Variants in SSBP2 observed in about 807,000 individuals in gnomAD.
SSBP2 encodes single stranded DNA binding protein 2, also known as single-stranded DNA-binding protein 2.
In SSBP2, 17 loss-of-function variants were observed where a neutral mutation model predicts 61.8. That is an observed-to-expected ratio of 0.28 (90% confidence interval 0.19 to 0.41). The LOEUF is 0.41. Among genes scored for constraint, SSBP2 ranks in the 10% least tolerant of loss-of-function variants. SSBP2 has a pLI of 1.00. For synonymous variants in SSBP2, 139 were observed against 141.3 expected (o/e 0.98, Z 0.12); for missense variants, 310 against 458.7 (o/e 0.68, Z 2.96).
At chr5:81,469,717 T>G (rs932262275) in intron 8 of SSBP2, among the ~76,000 whole-genome samples, 11 of 152,018 alleles carry the variant, frequency 7.2e-5, no homozygotes, top group Admixed American at 6.6e-4. Flanking sequence ...ATAAGAAATT[T>G]TTCAATATAT....
intron 1 of SSBP2, among the ~76,000 whole-genome samples, chr5:81,737,657 G>A (rs1408806200): frequency 2.6e-5 from 4 of 151,586 alleles, no homozygotes; most frequent in Non-Finnish European, 5.9e-5. Flanking sequence ...GTGTGGTGGC[G>A]GGCGCCTGTA....
Position 81,617,954 on chromosome 5 carries a change from G to A in SSBP2, c.198-2397C>T, listed in dbSNP as rs1429372080. 7.3e-5 allele frequency among the ~76,000 whole-genome samples: 10 copies of A among 136,302 alleles called. 1 individual carries two copies. The highest frequency in any genetic ancestry group is 4.7e-4 in the South Asian group (2 of 4,242). The allele number at this position is 136,302 out of a possible 152,430, so 89.4% of individuals were successfully genotyped here. A position where few individuals can be genotyped will look rare whatever the true frequency, so the allele number is the denominator to read the frequency against. On this transcript the variant is annotated intron_variant, in intron 3 of 16. Transcript: ENST00000320672. ...CCCTAAAAGAGCTCCTGAAGCAAGC[G>A]CTAAACATGGAAAGGAACAACCGGT...
intron 1 of SSBP2, among the ~76,000 whole-genome samples, chr5:81,670,243 T>C (rs1290443018): frequency 6.6e-6 from 1 of 152,188 alleles, no homozygotes; most frequent in Admixed American, 6.5e-5. Flanking sequence ...TTGATAAACG[T>C]GGAGGTAACA....
At chr5:81,673,147 T>C (rs1435956377) in intron 1 of SSBP2, among the ~76,000 whole-genome samples, 1 of 152,162 alleles carries the variant, frequency 6.6e-6, no homozygotes, top group Non-Finnish European at 1.5e-5. Flanking sequence ...GGTCCAGATA[T>C]TTACTTTCTA....
rs1561371562 is a variant in SSBP2 at position 81,419,075 on chromosome 5, T to C, written c.*1429A>G. On this transcript the variant is annotated 3_prime_UTR_variant, in exon 17 of 17. Transcript: ENST00000320672. ...CTTTCTATTGTGATTTTGGTGTATGTATGTATAATTAAGCACAAAATCCCA... is the reference window on the plus strand; with the variant it reads ...CTTTCTATTGTGATTTTGGTGTATGCATGTATAATTAAGCACAAAATCCCA... The C allele has an allele frequency of 6.6e-6, 1 of 152,218 alleles. No individual in the cohort carries two copies. Among genetic ancestry groups the C allele is most frequent in the Non-Finnish European group, 1.5e-5 (1 of 68,036 alleles). 9.4% of individuals were successfully genotyped at this position (152,218 alleles called of 1,614,324 possible). A position where few individuals can be genotyped will look rare whatever the true frequency, so the allele number is the denominator to read the frequency against.
intron 5 of SSBP2, among the ~76,000 whole-genome samples, chr5:81,501,303 A>T (rs1475933380): frequency 7.4e-6 from 1 of 134,236 alleles, no homozygotes; most frequent in African/African-American, 2.6e-5. Context: ...ACCCACACAC[A>T]TGCATACATT....
At chr5:81,538,171 A>G (rs1386478152) in intron 4 of SSBP2, among the ~76,000 whole-genome samples, 1 of 152,140 alleles carries the variant, frequency 6.6e-6, no homozygotes, top group Non-Finnish European at 1.5e-5. Context: ...TAAAAGTGCT[A>G]CTCCAGTGAA....
At chr5:81,701,954 A>C (rs1754012529) in intron 1 of SSBP2, among the ~76,000 whole-genome samples, 1 of 152,234 alleles carries the variant, frequency 6.6e-6, no homozygotes, top group African/African-American at 2.4e-5. Flanking sequence ...TATTGCATTA[A>C]TGTTTTCACA....
At chr5:81,450,221 C>G (rs1763678533) in intron 10 of SSBP2, among the ~76,000 whole-genome samples, 1 of 152,112 alleles carries the variant, frequency 6.6e-6, no homozygotes, top group Non-Finnish European at 1.5e-5. Flanking sequence ...TGGAGTTTTT[C>G]TATGTTGCCC....
intron 9 of SSBP2, among the ~76,000 whole-genome samples, chr5:81,463,648 C>A (rs986876198): frequency 6.6e-6 from 1 of 151,892 alleles, no homozygotes; most frequent in Middle Eastern, 3.2e-3. Context: ...TGCAGTGAGC[C>A]GAGATCATGC....
At chr5:81,581,215 G>A (rs1036509016) in intron 4 of SSBP2, among the ~76,000 whole-genome samples, 3 of 152,138 alleles carry the variant, frequency 2.0e-5, no homozygotes, top group African/African-American at 7.2e-5. Context: ...AAGTAAGATC[G>A]AGTCCCTTAA....
At chr5:81,703,365 C>T in intron 1 of SSBP2, among the ~76,000 whole-genome samples, 1 of 152,124 alleles carries the variant, frequency 6.6e-6, no homozygotes, top group Non-Finnish European at 1.5e-5. Flanking sequence ...GCAGCCTGAG[C>T]TACAGTCTGC....
At chr5:81,585,881 T>C (rs1311432764) in intron 4 of SSBP2, among the ~76,000 whole-genome samples, 2 of 152,080 alleles carry the variant, frequency 1.3e-5, no homozygotes, top group African/African-American at 4.8e-5. Flanking sequence ...TTTTTAGATA[T>C]GAGATCATGT....
rs1749054353 is a variant in SSBP2, at chr5:81,644,064, G to A, written c.135+6203C>T. Among the ~76,000 whole-genome samples, 5 of 152,298 alleles carry A rather than the reference G, an allele frequency of 3.3e-5. No homozygotes were observed. The South Asian group carries it at 8.3e-4, about 25-fold the overall frequency. On this transcript the variant is annotated intron_variant, in intron 2 of 16. Coordinates refer to ENST00000320672, the MANE Select transcript of SSBP2 (RefSeq NM_012446.5). ...CAGTTTAAAATTAAGTTAACTGAAT[G>A]TTCCTCAGTTGCACTAGCCATATTT... is the stretch of plus-strand genomic sequence containing the variant.
chr5:81,449,362 T>C (rs1300029226), intron 10 of SSBP2, among the ~76,000 whole-genome samples: 3 of 152,202 alleles, frequency 2.0e-5, no homozygotes, highest in Non-Finnish European at 4.4e-5. Context: ...TGTGATAATT[T>C]AAGAAATGAA....
intron 1 of SSBP2, 72 bp downstream of exon 1, chr5:81,750,909 A>G (rs1757724651): frequency 1.4e-6 from 2 of 1,417,766 alleles, no homozygotes; most frequent in African/African-American, 1.4e-5. Context: ...TGTGTCTCCC[A>G]GAGTGTGCGA....
At chr5:81,537,689 G>C (rs1181536028) in intron 4 of SSBP2, among the ~76,000 whole-genome samples, 1 of 152,054 alleles carries the variant, frequency 6.6e-6, no homozygotes. Context: ...TCTGTTATCA[G>C]TGATCTCAGA....
At chr5:81,539,047 G>A (rs534091954) in intron 4 of SSBP2, among the ~76,000 whole-genome samples, 8 of 152,248 alleles carry the variant, frequency 5.3e-5, no homozygotes, top group South Asian at 2.1e-4. Flanking sequence ...TGAATCCTTC[G>A]ATGGGTCTGG....
chr5:81,498,143 T>TA (rs1370773909), intron 5 of SSBP2, among the ~76,000 whole-genome samples: 13 of 152,086 alleles, frequency 8.5e-5, no homozygotes, highest in Non-Finnish European at 5.9e-5. Flanking sequence ...AGCATTTGAG[T>TA]AAAAACATAA....
Sources: gnomAD v4.1 joint callset for allele counts (sites outside exome capture counted in the v4.1 genomes callset) on GRCh38, gnomAD v4.1.1 for gene constraint, MANE v1.5 for transcripts, NCBI Gene and HGNC (gene_info 2026-07-23, HGNC 2026-07-21) for gene names.